LDLRAD4: variants seen among roughly 807,000 people sequenced by gnomAD.
LDLRAD4 encodes the protein low-density lipoprotein receptor class A domain-containing protein 4.
Under a neutral mutation model 17.0 loss-of-function variants are expected in LDLRAD4, and 5 were observed. The observed-to-expected ratio is 0.29, with a 90% confidence interval of 0.15 to 0.62. The LOEUF (loss-of-function observed/expected upper bound fraction) is 0.62, where lower values mean the gene tolerates loss of function less well. Among genes scored for constraint, LDLRAD4 ranks in the 20% least tolerant of loss-of-function variants. LDLRAD4 has a pLI of 0.84. For missense variants in LDLRAD4, 340 were observed against 424.7 expected, an observed-to-expected ratio of 0.80 and a Z score of 1.75; for synonymous variants, 168 against 171.8, an observed-to-expected ratio of 0.98 and a Z score of 0.17.
At chr18:13,285,061 A>G (rs1325378963) in intron 1 of LDLRAD4, among the ~76,000 whole-genome samples, 3 of 152,126 alleles carry the variant, frequency 2.0e-5, no homozygotes, top group Non-Finnish European at 4.4e-5. Context: ...GAGAGTCCTG[A>G]GGGATTCTTG....
intron 1 of LDLRAD4, among the ~76,000 whole-genome samples, chr18:13,296,296 G>A (rs187478277): frequency 3.3e-5 from 5 of 152,346 alleles, no homozygotes; most frequent in African/African-American, 1.2e-4. Context: ...ATAGGCTGAG[G>A]TATATGAATC....
chr18:13,485,432 G>T (rs1472713545), intron 3 of LDLRAD4, among the ~76,000 whole-genome samples: 1 of 152,228 alleles, frequency 6.6e-6, no homozygotes, highest in Non-Finnish European at 1.5e-5. Context: ...TTCCTGTTGG[G>T]CATGATGACC....
At chr18:13,562,150 C>T (rs1284436) in intron 3 of LDLRAD4, among the ~76,000 whole-genome samples, 69,105 of 152,138 alleles carry the variant, frequency 0.45, 17,875 homozygotes, top group South Asian at 0.72. Context: ...TGCTTGATGT[C>T]TCTGAGTTTC....
At chr18:13,336,557 A>C (rs1310421463) in intron 1 of LDLRAD4, among the ~76,000 whole-genome samples, 1 of 151,884 alleles carries the variant, frequency 6.6e-6, no homozygotes, top group Non-Finnish European at 1.5e-5. Context: ...CTTTTACCTA[A>C]GTTTCAATTT....
chr18:13,613,011 G>T, intron 3 of LDLRAD4: 1 of 509,878 alleles, frequency 2.0e-6, no homozygotes, highest in South Asian at 2.4e-5. Context: ...TGTTCCTGTT[G>T]GAGGTGTTAT....
intron 4 of LDLRAD4, among the ~76,000 whole-genome samples, chr18:13,624,138 G>A (rs977348060): frequency 4.3e-4 from 65 of 152,210 alleles, no homozygotes; most frequent in African/African-American, 1.5e-3. Flanking sequence ...GAGCGGTGCT[G>A]AGGCGGAGGA....
intron 1 of LDLRAD4, among the ~76,000 whole-genome samples, chr18:13,312,580 A>C (rs1011470304): frequency 2.0e-5 from 3 of 152,126 alleles, no homozygotes; most frequent in Non-Finnish European, 2.9e-5. Flanking sequence ...CATCCCTACA[A>C]AATGTACAGA....
rs1217094650 is a variant in LDLRAD4 at position 13,403,779 on chromosome 18, T to A, written c.40+16017T>A. 5.9e-5 allele frequency among the ~76,000 whole-genome samples: 9 copies of A among 152,190 alleles called. No individual in the cohort carries two copies. The East Asian group carries it at 1.5e-3, about 26-fold the overall frequency. ...TGTAAATGAACAGAATTCAGATTGG[T>A]TCTAATATATTTTACCTCTAAAAGA... On this transcript the variant is annotated intron_variant, in intron 2 of 5. Transcript: ENST00000359446.
At chr18:13,425,560 A>T (rs1472408793) in intron 2 of LDLRAD4, among the ~76,000 whole-genome samples, 1 of 152,164 alleles carries the variant, frequency 6.6e-6, no homozygotes, top group Non-Finnish European at 1.5e-5. Context: ...GGGGCTCCAG[A>T]TGAGAGCTGT....
intron 3 of LDLRAD4, among the ~76,000 whole-genome samples, chr18:13,463,172 TC>T (rs1289338932): frequency 6.6e-6 from 1 of 152,202 alleles, no homozygotes; most frequent in African/African-American, 2.4e-5. Context: ...TGGGAGCTCT[TC>T]CTGGGTGTGG....
intron 3 of LDLRAD4, among the ~76,000 whole-genome samples, chr18:13,513,361 G>A (rs947285774): frequency 5.3e-5 from 8 of 152,202 alleles, no homozygotes; most frequent in African/African-American, 1.7e-4. Context: ...CACATTTTCC[G>A]TGTTAACCAC....
chr18:13,436,995 C>A (rs1334406569), intron 2 of LDLRAD4, among the ~76,000 whole-genome samples: 1 of 152,222 alleles, frequency 6.6e-6, no homozygotes, highest in African/African-American at 2.4e-5. Flanking sequence ...TTCTTTACAA[C>A]AGGTGAAGGT....
At chr18:13,497,377 C>G (rs901678907) in intron 3 of LDLRAD4, among the ~76,000 whole-genome samples, 2 of 151,988 alleles carry the variant, frequency 1.3e-5, no homozygotes, top group African/African-American at 4.8e-5. Context: ...CAAGGTCTCA[C>G]TATGTTGCCC....
intron 1 of LDLRAD4, among the ~76,000 whole-genome samples, chr18:13,375,230 G>A (rs1022453520): frequency 2.6e-5 from 4 of 152,134 alleles, no homozygotes; most frequent in Non-Finnish European, 4.4e-5. Flanking sequence ...AGGAGAGGCC[G>A]GTGGAAAAGG....
intron 3 of LDLRAD4, among the ~76,000 whole-genome samples, chr18:13,595,803 C>G (rs1195137575): frequency 6.6e-6 from 1 of 152,066 alleles, no homozygotes; most frequent in Non-Finnish European, 1.5e-5. Flanking sequence ...GTTTCATGGC[C>G]TGGCATATGG....
At chr18:13,596,245 A>T (rs2095094443) in intron 3 of LDLRAD4, among the ~76,000 whole-genome samples, 1 of 151,930 alleles carries the variant, frequency 6.6e-6, no homozygotes, top group Non-Finnish European at 1.5e-5. Context: ...TTTACTTTCA[A>T]CCTATTGCTA....
chr18:13,537,792 G>GT (rs1366204715), intron 3 of LDLRAD4, among the ~76,000 whole-genome samples: 1 of 152,110 alleles, frequency 6.6e-6, no homozygotes, highest in Non-Finnish European at 1.5e-5. Flanking sequence ...GTGTGTGTGT[G>GT]TATGTGTGTG....
intron 1 of LDLRAD4, among the ~76,000 whole-genome samples, chr18:13,279,198 C>G (rs139761568): frequency 6.6e-6 from 1 of 152,208 alleles, no homozygotes. Flanking sequence ...ACACCCAGAC[C>G]GCACGCCTTG....
chr18:13,332,562 C>T (rs12604142), intron 1 of LDLRAD4, among the ~76,000 whole-genome samples: 4,980 of 152,250 alleles, frequency 0.033, 339 homozygotes, highest in East Asian at 0.31. Context: ...ACCTGTTCAT[C>T]TCTCCCTCCC....
Sources: gnomAD v4.1 joint callset for allele counts (sites outside exome capture counted in the v4.1 genomes callset) on GRCh38, gnomAD v4.1.1 for gene constraint, MANE v1.5 for transcripts, NCBI Gene and HGNC (gene_info 2026-07-23, HGNC 2026-07-21) for gene names.